Variants in SETD6 observed in about 807,000 individuals in gnomAD.
SETD6 encodes the protein N-lysine methyltransferase SETD6.
SETD6 carries 67 observed loss-of-function variants against 52.7 expected under a neutral mutation model. That is an observed-to-expected ratio of 1.27 (90% confidence interval 1.04 to 1.56). The LOEUF is 1.56. Among genes scored for constraint, SETD6 ranks in the 40% most tolerant of loss-of-function variants. The pLI is 0.00. For synonymous variants in SETD6, 307 were observed against 250.2 expected (o/e 1.23, Z -2.14); for missense variants, 712 against 607.5 (o/e 1.17, Z -1.81).
Position 58,521,385 on chromosome 16 carries a change from C to A in SETD6, c.*2356C>A, listed in dbSNP as rs2039362760. 1 of 1,495,860 alleles carries A rather than the reference C, an allele frequency of 6.7e-7. No individual in the cohort carries two copies. Among genetic ancestry groups the A allele is most frequent in the South Asian group, 1.3e-5 (1 of 78,690 alleles). 92.7% of individuals were successfully genotyped at this position (1,495,860 alleles called of 1,614,324 possible). On this transcript the variant is annotated 3_prime_UTR_variant, in exon 8 of 8. Transcript: ENST00000219315. Reference sequence around the variant, plus strand: ...CAAATTCATGATTATTCTTCCATTACTTTTTTTCTAACTTCTCCCTGACTA... The same window carrying A: ...CAAATTCATGATTATTCTTCCATTAATTTTTTTCTAACTTCTCCCTGACTA...
At chr16:58,517,707 C>G in intron 5 of SETD6, 2 of 316,392 alleles carry the variant, frequency 6.3e-6, no homozygotes, top group South Asian at 6.3e-5. Flanking sequence ...AACTCCTGAT[C>G]TCAGGTGATC....
At position 58,520,919 on chromosome 16, in the gene SETD6, A is replaced by G. The variant is rs2039345115; in HGVS notation, c.*1890A>G. Reference sequence around the variant, plus strand: ...CAGTTTATGAACTCGGTGCAGTGAGACCTCTAGACTGACACGTACAACAGA... The same window carrying G: ...CAGTTTATGAACTCGGTGCAGTGAGGCCTCTAGACTGACACGTACAACAGA... On this transcript the variant is annotated 3_prime_UTR_variant, in exon 8 of 8. Coordinates refer to ENST00000219315, the MANE Select transcript of SETD6 (RefSeq NM_001160305.4). The G allele has an allele frequency of 1.3e-6, 2 of 1,588,822 alleles. No individual in the cohort carries two copies. The highest frequency in any genetic ancestry group is 1.7e-6 in the Non-Finnish European group (2 of 1,162,678).
At chr16:58,517,936 T>C (rs2039220384) in intron 5 of SETD6, 115 bp from the exon 6 acceptor site, 1 of 1,312,214 alleles carries the variant, frequency 7.6e-7, no homozygotes, top group Admixed American at 2.0e-5. Flanking sequence ...CTTTGGTAGT[T>C]AACAGCATCA....
At position 58,519,754 on chromosome 16, in the gene SETD6, T is replaced by C. The variant is rs567041525; in HGVS notation, c.*725T>C. The C allele has an allele frequency of 7.2e-5, 11 of 152,164 alleles. No homozygotes were observed. Among genetic ancestry groups the C allele is most frequent in the African/African-American group, 2.7e-4 (11 of 41,508 alleles). 9.4% of individuals were successfully genotyped at this position (152,164 alleles called of 1,614,324 possible). ...AGCATTTGTCCAGTGTTGAAATAAA[T>C]AGGAAGAAAAATACAATTTCCTTAA... On this transcript the variant is annotated 3_prime_UTR_variant, in exon 8 of 8. Transcript: ENST00000219315.
intron 5 of SETD6, 69 bp from the exon 6 acceptor site, chr16:58,517,982 T>G (rs1428019033): frequency 6.3e-7 from 1 of 1,599,842 alleles, no homozygotes; most frequent in Non-Finnish European, 8.5e-7. Context: ...AGGCTCTTCT[T>G]AAGTGGAAAT....
chr16:58,518,092 C>T lies in SETD6; in HGVS notation c.834C>T (p.Gly278=), dbSNP rs1261922316. 6.2e-7 allele frequency: 1 copy of T among 1,614,074 alleles called. No individual in the cohort carries two copies. ...TAGCCACTCAGCCCATTCCTAAAGGCCATGAGATTTTCAACACTTATGGGC... is the reference window on the plus strand; with the variant it reads ...TAGCCACTCAGCCCATTCCTAAAGGTCATGAGATTTTCAACACTTATGGGC... ...RMVATQPIPK[G]HEIFNTYGQM... is the part of the protein sequence containing the mutation. Residue 278 remains glycine (G), a synonymous_variant, in exon 6 of 8, where the codon GGC becomes GGT. Transcript: ENST00000219315.
In SETD6 at chr16:58,520,876, C is replaced by G. The variant is rs17821549; in HGVS notation, c.*1847C>G. 1.4e-6 allele frequency: 2 copies of G among 1,416,816 alleles called. No individual in the cohort carries two copies. The highest frequency in any genetic ancestry group is 4.5e-5 in the East Asian group (2 of 43,976). The allele number at this position is 1,416,816 out of a possible 1,614,324, so 87.8% of individuals were successfully genotyped here. On this transcript the variant is annotated 3_prime_UTR_variant, in exon 8 of 8. Coordinates refer to ENST00000219315, the MANE Select transcript of SETD6 (RefSeq NM_001160305.4). ...AAAGGGCTGGGAAAGTCAGGAAGAGCTGAAAGGATTCTTCAGTCAGTTTAT... is the reference window on the plus strand; with the variant it reads ...AAAGGGCTGGGAAAGTCAGGAAGAGGTGAAAGGATTCTTCAGTCAGTTTAT...
In SETD6 at chr16:58,521,320, G is replaced by A. The variant is rs1162045777; in HGVS notation, c.*2291G>A. On this transcript the variant is annotated 3_prime_UTR_variant, in exon 8 of 8. Coordinates refer to ENST00000219315, the MANE Select transcript of SETD6 (RefSeq NM_001160305.4). The stretch of plus-strand genomic sequence containing the variant: ...CAATCAACCGTTCCAAGAGAACTCT[G>A]GAAAAAGGGAGAAAGAGCTAGTTAA... The A allele has an allele frequency of 2.5e-6, 4 of 1,594,720 alleles. No individual in the cohort carries two copies. The highest frequency in any genetic ancestry group is 3.4e-6 in the Non-Finnish European group (4 of 1,175,180).
chr16:58,517,037 C>T (rs1051298451), intron 5 of SETD6, 109 bp downstream of exon 5: 4 of 1,486,358 alleles, frequency 2.7e-6, no homozygotes, highest in Admixed American at 1.7e-5. Context: ...ATCAGCTCCT[C>T]CTGTATGTCC....
chr16:58,518,730 T>C lies in SETD6; in HGVS notation c.1123T>C (p.Cys375Arg), dbSNP rs775051159. 1 of 1,613,980 alleles carries C rather than the reference T, an allele frequency of 6.2e-7. No individual in the cohort carries two copies. Among genetic ancestry groups the C allele is most frequent in the Non-Finnish European group, 8.5e-7 (1 of 1,179,958 alleles). The change falls in exon 8 of 8, where the codon TGC (cysteine) becomes CGC (arginine). Residue 375 changes from cysteine to arginine, a missense_variant. Coordinates refer to ENST00000219315, the MANE Select transcript of SETD6 (RefSeq NM_001160305.4). ...GCTCTGTGGTTGCTTCTAGGTACTG[T>C]GCATGCCTGCTGAGGAGTTCAGAGA... The part of the protein sequence containing the change: ...EELTTTLKVL[C>R]MPAEEFRELK...
chr16:58,517,930 G>T, intron 5 of SETD6, 121 bp from the exon 6 acceptor site: 2 of 1,208,862 alleles, frequency 1.7e-6, no homozygotes, highest in Non-Finnish European at 2.4e-6. Flanking sequence ...GTAGAACTTT[G>T]GTAGTTAACA....
rs768103500 is a variant in SETD6 at position 58,516,944 on chromosome 16, C to T, written c.792+16C>T. 4 of 1,614,004 alleles carry T rather than the reference C, an allele frequency of 2.5e-6. No homozygotes were observed. The highest frequency in any genetic ancestry group is 1.7e-5 in the Admixed American group (1 of 60,008). Reference sequence around the variant, plus strand: ...ATACTCTGCGGTGAGTGGAGTTTCTCTTGGTGCACTGATTGAGCATGATTC... The same window carrying T: ...ATACTCTGCGGTGAGTGGAGTTTCTTTTGGTGCACTGATTGAGCATGATTC... On this transcript the variant is annotated intron_variant, in intron 5 of 7. Coordinates refer to ENST00000219315, the MANE Select transcript of SETD6 (RefSeq NM_001160305.4).
intron 1 of SETD6, 24 bp downstream of exon 1, chr16:58,515,588 G>T: frequency 6.5e-7 from 1 of 1,543,502 alleles, no homozygotes. Context: ...GCGGGGTCCA[G>T]CCTTTTCCTC....
chr16:58,518,078 C>A lies in SETD6; in HGVS notation c.820C>A (p.Pro274Thr), dbSNP rs759432348. Residue 274 changes from proline (P) to threonine (T), a missense_variant, in exon 6 of 8, where the codon CCC (proline) becomes ACC (threonine). Transcript: ENST00000219315. ...ANCLRMVATQ[P>T]IPKGHEIFNT... ...TTGTCTTCGGATGGTAGCCACTCAG[C>A]CCATTCCTAAAGGCCATGAGATTTT... 6.2e-7 allele frequency: 1 copy of A among 1,614,154 alleles called. No homozygotes were observed. The highest frequency in any genetic ancestry group is 8.5e-7 in the Non-Finnish European group (1 of 1,180,036).
rs542594906 is a variant in SETD6 at position 58,521,961 on chromosome 16, ATAAAT to A, written c.*2938_*2942del. 2.6e-3 allele frequency among the ~76,000 whole-genome samples: 399 copies of A among 152,162 alleles called. 1 individual carries two copies. The highest frequency in any genetic ancestry group is 6.7e-3 in the African/African-American group (278 of 41,526). ...GTGAGACCCTGTCTCAAATAAACAG[ATAAAT>A]TAAATAAATAAATAAGCTCACTCTC... On this transcript the variant is annotated 3_prime_UTR_variant, in exon 8 of 8. Coordinates refer to ENST00000219315, the MANE Select transcript of SETD6 (RefSeq NM_001160305.4).
At position 58,520,971 on chromosome 16, in the gene SETD6, G is replaced by C. The variant is rs1271614114; in HGVS notation, c.*1942G>C. On this transcript the variant is annotated 3_prime_UTR_variant, in exon 8 of 8. Transcript: ENST00000219315. Reference sequence around the variant, plus strand: ...ATGCAGTTTCGTCTAACTGGCACCTGTCCCTTCCATTACTTGCTGGGCCTG... The same window carrying C: ...ATGCAGTTTCGTCTAACTGGCACCTCTCCCTTCCATTACTTGCTGGGCCTG... 6.2e-7 allele frequency: 1 copy of C among 1,613,652 alleles called. No homozygotes were observed.
chr16:58,515,763 A>G (rs2039104514), intron 1 of SETD6, 28 bp from the exon 2 acceptor site: 6 of 1,457,584 alleles, frequency 4.1e-6, no homozygotes, highest in Non-Finnish European at 3.6e-6. Context: ...TGGGGGTCGG[A>G]CCTGGTCACT....
At position 58,516,494 on chromosome 16, in the gene SETD6, C is replaced by CGGTGCCTGCTCCAGGGCACA; in HGVS notation, c.496_515dup (p.Val173AlafsTer45). ...TCCCTGCAGGCCAGAGGAGGAGCGC[C>CGGTGCCTGCTCCAGGGCACA]GGTGCCTGCTCCAGGGCACAGGCGT... On this transcript the variant is annotated frameshift_variant, in exon 4 of 8. Coordinates refer to ENST00000219315, the MANE Select transcript of SETD6 (RefSeq NM_001160305.4). LOFTEE classifies it high-confidence loss of function. The CGGTGCCTGCTCCAGGGCACA allele has an allele frequency of 1.2e-6, 2 of 1,613,936 alleles. No individual in the cohort carries two copies.
At chr16:58,517,020 A>G (rs867106592) in intron 5 of SETD6, 92 bp downstream of exon 5, 2 of 1,573,428 alleles carry the variant, frequency 1.3e-6, no homozygotes, top group African/African-American at 2.7e-5. Flanking sequence ...CAAAATGAGT[A>G]GGTGAAATCA....
Sources: allele counts gnomAD v4.1 joint callset (sites outside exome capture counted in the v4.1 genomes callset), GRCh38; gene constraint gnomAD v4.1.1; transcripts MANE v1.5; gene names NCBI Gene and HGNC (gene_info 2026-07-23, HGNC 2026-07-21).